The following VWF variants were observed in gnomAD, a reference collection of about 807,000 sequenced individuals.
The protein encoded by VWF is Factor VIII related antigen.
VWF carries 176 observed loss-of-function variants against 308.6 expected under a neutral mutation model. The ratio of observed to expected loss-of-function variants is 0.57; its 90% CI spans 0.50 to 0.65. The LOEUF (loss-of-function observed/expected upper bound fraction) is 0.65. Ranked by LOEUF, VWF falls within the 30% of genes least tolerant of loss-of-function variation. VWF has a pLI of 0.00. For missense variants in VWF, 3,146 were observed against 3,648.2 expected (o/e 0.86, Z 3.55); for synonymous variants, 1,385 against 1,443.4 (o/e 0.96, Z 0.92).
intron 18 of VWF, among the ~76,000 whole-genome samples, chr12:6,041,225 T>C (rs1448010504): frequency 6.6e-6 from 1 of 151,634 alleles, no homozygotes; most frequent in Admixed American, 6.6e-5. Flanking sequence ...AGGTCAGGAG[T>C]TCGAGACCAG....
chr12:6,032,308 C>G (rs1337643196), intron 20 of VWF, among the ~76,000 whole-genome samples: 1 of 144,682 alleles, frequency 6.9e-6, no homozygotes, highest in Non-Finnish European at 1.5e-5. Flanking sequence ...AGCCTGGTGA[C>G]AGAGCGAGAC....
chr12:5,986,709 ACC>A (rs1346632858), intron 38 of VWF, among the ~76,000 whole-genome samples: 1 of 152,150 alleles, frequency 6.6e-6, no homozygotes, highest in Non-Finnish European at 1.5e-5. Flanking sequence ...TTCAGATGCC[ACC>A]TGCTGTGTGC....
chr12:6,065,009 T>C, intron 11 of VWF, 128 bp downstream of exon 11: 1 of 1,381,614 alleles, frequency 7.2e-7, no homozygotes, highest in Non-Finnish European at 1.0e-6. Context: ...CTAACTGAAG[T>C]CTGGAAGAGA....
Sources: gnomAD v4.1 joint callset for allele counts (sites outside exome capture counted in the v4.1 genomes callset) on GRCh38, gnomAD v4.1.1 for gene constraint, MANE v1.5 for transcripts, NCBI Gene and HGNC (gene_info 2026-07-23, HGNC 2026-07-21) for gene names.